Variants in TBC1D9 observed in about 807,000 individuals in gnomAD.
TBC1D9 encodes the protein TBC1 domain family member 9A.
A neutral mutation model predicts 132.0 loss-of-function variants in TBC1D9; 63 were observed. The ratio of observed to expected loss-of-function variants is 0.48; its 90% CI spans 0.39 to 0.59. The LOEUF (loss-of-function observed/expected upper bound fraction) is 0.59. TBC1D9 is among the 20% of genes least tolerant of loss of function. The pLI is 0.00. For missense variants in TBC1D9, 1,261 were observed against 1,592.7 expected (o/e 0.79, Z 3.54); for synonymous variants, 610 against 609.9 (o/e 1.00, Z 0.00).
intron 3 of TBC1D9, 31 bp downstream of exon 3, chr4:140,686,313 C>G: frequency 8.1e-7 from 1 of 1,232,804 alleles, no homozygotes; most frequent in South Asian, 1.3e-5. Context: ...AAATTATTTC[C>G]AATTAAAATG....
chr4:140,739,274 G>A (rs777458838), intron 1 of TBC1D9, among the ~76,000 whole-genome samples: 27 of 152,120 alleles, frequency 1.8e-4, no homozygotes, highest in African/African-American at 5.6e-4. Flanking sequence ...CTGAGCCACC[G>A]CACCTGGCTC....
At position 140,678,939 on chromosome 4, in the gene TBC1D9, C is replaced by T; in HGVS notation, c.851+3G>A. The T allele has an allele frequency of 6.2e-7, 1 of 1,613,028 alleles. No individual in the cohort carries two copies. The highest frequency in any genetic ancestry group is 8.5e-7 in the Non-Finnish European group (1 of 1,179,322). ...TGGAAGATACAAGGTCTCTATCACC[C>T]ACCGTTTTAGAGCAGACACTTTTTT... On this transcript the variant is annotated splice_donor_region_variant and intron_variant, in intron 5 of 20. Transcript: ENST00000442267.
intron 1 of TBC1D9, among the ~76,000 whole-genome samples, chr4:140,751,588 T>C (rs911561058): frequency 1.3e-5 from 2 of 152,056 alleles, no homozygotes; most frequent in African/African-American, 4.8e-5. Context: ...TAAAAGGAAA[T>C]GGTATCTAAA....
At chr4:140,712,756 GATAGATA>G (rs1738270245) in intron 1 of TBC1D9, among the ~76,000 whole-genome samples, 1 of 73,984 alleles carries the variant, frequency 1.4e-5, no homozygotes, top group East Asian at 1.1e-3. Context: ...AAAATAGATA[GATAGATA>G]GATAGATAGA....
intron 1 of TBC1D9, among the ~76,000 whole-genome samples, chr4:140,740,394 C>G (rs1738740978): frequency 6.6e-6 from 1 of 152,206 alleles, no homozygotes; most frequent in Non-Finnish European, 1.5e-5. Context: ...AAAGTGTTTT[C>G]CACACCAGTA....
chr4:140,647,251 C>T (rs926557745), intron 13 of TBC1D9, among the ~76,000 whole-genome samples: 2 of 152,176 alleles, frequency 1.3e-5, no homozygotes, highest in African/African-American at 4.8e-5. Context: ...CTCTGTTTTG[C>T]GAATGGGCAA....
chr4:140,733,591 T>C (rs1205349738), intron 1 of TBC1D9, among the ~76,000 whole-genome samples: 2 of 152,234 alleles, frequency 1.3e-5, no homozygotes, highest in Admixed American at 6.5e-5. Context: ...TCTTATTGAC[T>C]ATACCTGGGC....
Position 140,729,431 on chromosome 4 carries a change from C to T in TBC1D9, c.130+26485G>A, listed in dbSNP as rs578038142. On this transcript the variant is annotated intron_variant, in intron 1 of 20. Coordinates refer to ENST00000442267, the MANE Select transcript of TBC1D9 (RefSeq NM_015130.3). ...ATTTATCCATCACAACAGCAAAGGGCCCCATGGAGGCACCAGGGAGATGAT... is the reference window on the plus strand; with the variant it reads ...ATTTATCCATCACAACAGCAAAGGGTCCCATGGAGGCACCAGGGAGATGAT... Among the ~76,000 whole-genome samples the T allele has an allele frequency of 3.3e-5, 5 of 152,212 alleles. No homozygotes were observed. The South Asian group carries it at 8.3e-4, about 25-fold the overall frequency.
intron 13 of TBC1D9, chr4:140,642,697 A>G: frequency 1.5e-6 from 1 of 664,288 alleles, no homozygotes; most frequent in Admixed American, 2.4e-5. Flanking sequence ...CAATAAGGGC[A>G]TTGTGTTCCT....
intron 3 of TBC1D9, among the ~76,000 whole-genome samples, chr4:140,684,721 T>C (rs1015290253): frequency 1.3e-5 from 2 of 151,482 alleles, no homozygotes; most frequent in African/African-American, 4.8e-5. Context: ...CATTGCAGTC[T>C]TGACCTCCTG....
chr4:140,654,493 T>C (rs923496825), intron 13 of TBC1D9, among the ~76,000 whole-genome samples: 2 of 149,992 alleles, frequency 1.3e-5, no homozygotes, highest in South Asian at 2.1e-4. Context: ...GTACTACGAA[T>C]TAAAGAATAA....
intron 4 of TBC1D9, 68 bp from the exon 5 acceptor site, chr4:140,679,271 C>T (rs1283927364): frequency 2.8e-5 from 42 of 1,508,050 alleles, no homozygotes; most frequent in Non-Finnish European, 3.7e-5. Context: ...ATTGCAGTCT[C>T]ACAACCCCAC....
intron 3 of TBC1D9, among the ~76,000 whole-genome samples, chr4:140,681,811 C>A (rs2111020497): frequency 6.6e-6 from 1 of 152,334 alleles, no homozygotes; most frequent in Admixed American, 6.5e-5. Flanking sequence ...TGCTCTCAAT[C>A]TTCCCAAGTC....
chr4:140,650,848 T>C (rs1220113089), intron 13 of TBC1D9, among the ~76,000 whole-genome samples: 1 of 152,168 alleles, frequency 6.6e-6, no homozygotes, highest in Non-Finnish European at 1.5e-5. Flanking sequence ...ATTTTCTTTA[T>C]ATACACACCA....
intron 13 of TBC1D9, chr4:140,643,426 G>A: frequency 1.0e-6 from 1 of 976,640 alleles, no homozygotes; most frequent in Non-Finnish European, 1.6e-6. Context: ...GGGTCTTCCA[G>A]GCCGGGCAGG....
chr4:140,642,888 G>A, intron 13 of TBC1D9: 1 of 579,062 alleles, frequency 1.7e-6, no homozygotes, highest in Non-Finnish European at 3.0e-6. Context: ...GCTTCCATGG[G>A]ACTCCTCGTG....
Position 140,657,676 on chromosome 4 carries a change from C to A in TBC1D9, c.2058G>T (p.Met686Ile). 1.2e-6 allele frequency: 2 copies of A among 1,613,994 alleles called. No homozygotes were observed. The highest frequency in any genetic ancestry group is 1.7e-6 in the Non-Finnish European group (2 of 1,179,886). ...CAACCACAACTGCACTCTCAAAAGG[C>A]ATCACACTGAGAAATAGTGTGAGGA... ...SWFLTLFLSV[M>I]PFESAVVVVD... The change falls in exon 12 of 21, where the codon ATG becomes ATT. Residue 686 changes from methionine (M) to isoleucine (I), a missense_variant. Physicochemically the swap from Met to Ile is conservative, Grantham distance 10. This residue lies in a region of TBC1D9 where 93 missense variants were observed against 169.2 expected (regional missense o/e 0.55). Coordinates refer to ENST00000442267, the MANE Select transcript of TBC1D9 (RefSeq NM_015130.3).
chr4:140,670,376 T>C (rs1306661607), intron 7 of TBC1D9, among the ~76,000 whole-genome samples: 1 of 152,226 alleles, frequency 6.6e-6, no homozygotes, highest in Admixed American at 6.5e-5. Flanking sequence ...AAAATCATCA[T>C]AATGATTTGT....
chr4:140,632,846 A>G (rs1736819612), intron 16 of TBC1D9, among the ~76,000 whole-genome samples: 2 of 152,234 alleles, frequency 1.3e-5, no homozygotes, highest in East Asian at 1.9e-4. Flanking sequence ...AATGCTGTAT[A>G]AATGTCAGTT....
Sources: gnomAD v4.1 joint callset for allele counts (sites outside exome capture counted in the v4.1 genomes callset) on GRCh38, gnomAD v4.1.1 for gene constraint, gnomAD v4.1.1 regional missense constraint, MANE v1.5 for transcripts, NCBI Gene and HGNC (gene_info 2026-07-23, HGNC 2026-07-21) for gene names.